VTI1A: variants seen among roughly 807,000 people sequenced by gnomAD.
The protein encoded by VTI1A is vesicle transport through interaction with t-SNAREs homolog 1A.
Under a neutral mutation model 34.9 loss-of-function variants are expected in VTI1A, and 22 were observed. The ratio of observed to expected loss-of-function variants is 0.63; its 90% CI spans 0.45 to 0.90. VTI1A has a LOEUF of 0.90. Ranked by LOEUF, VTI1A falls within the 40% of genes least tolerant of loss-of-function variation. VTI1A has a pLI of 0.00. For synonymous variants in VTI1A, 87 were observed against 97.3 expected (o/e 0.89, Z 0.62); for missense variants, 268 against 275.6 (o/e 0.97, Z 0.20).
At chr10:112,596,133 A>G (rs1844630862) in intron 5 of VTI1A, among the ~76,000 whole-genome samples, 1 of 143,178 alleles carries the variant, frequency 7.0e-6, no homozygotes, top group Admixed American at 7.0e-5. Flanking sequence ...GGACACAGGA[A>G]GGGGAACATC....
At chr10:112,538,140 C>T (rs1018954351) in intron 4 of VTI1A, 106 bp from the exon 5 acceptor site, 1 of 868,754 alleles carries the variant, frequency 1.2e-6, no homozygotes, top group Non-Finnish European at 1.8e-6. Flanking sequence ...GGTTGCGAAC[C>T]CCCCCACCCC....
intron 7 of VTI1A, among the ~76,000 whole-genome samples, chr10:112,748,587 C>A (rs1850986628): frequency 6.8e-6 from 1 of 146,948 alleles, no homozygotes; most frequent in Non-Finnish European, 1.5e-5. Context: ...CAAATGACAC[C>A]TGTTACTCTT....
At chr10:112,744,252 G>T (rs184819462) in intron 7 of VTI1A, among the ~76,000 whole-genome samples, 2 of 152,182 alleles carry the variant, frequency 1.3e-5, no homozygotes, top group African/African-American at 4.8e-5. Context: ...TAGCTTCCCT[G>T]CCTTAATTCT....
At chr10:112,553,162 A>G (rs1851424931) in intron 5 of VTI1A, among the ~76,000 whole-genome samples, 1 of 152,238 alleles carries the variant, frequency 6.6e-6, no homozygotes, top group Non-Finnish European at 1.5e-5. Context: ...TATAAAATGC[A>G]CAGAAATTAT....
At chr10:112,704,660 T>G (rs1849130353) in intron 7 of VTI1A, among the ~76,000 whole-genome samples, 1 of 152,196 alleles carries the variant, frequency 6.6e-6, no homozygotes, top group Non-Finnish European at 1.5e-5. Flanking sequence ...ACCACTTGTT[T>G]ATTGAGGTGT....
chr10:112,761,247 G>C (rs7899331), intron 7 of VTI1A, among the ~76,000 whole-genome samples: 55,243 of 151,982 alleles, frequency 0.36, 10,620 homozygotes, highest in African/African-American at 0.49. Flanking sequence ...ATCACCCTTA[G>C]ATTCTGTGGG....
At chr10:112,629,830 G>T (rs1009344855) in intron 5 of VTI1A, among the ~76,000 whole-genome samples, 1 of 152,138 alleles carries the variant, frequency 6.6e-6, no homozygotes, top group Non-Finnish European at 1.5e-5. Context: ...AATCCACTGT[G>T]CTTCCAGCCT....
chr10:112,615,327 A>T (rs1845476483), intron 5 of VTI1A, among the ~76,000 whole-genome samples: 1 of 152,256 alleles, frequency 6.6e-6, no homozygotes, highest in South Asian at 2.1e-4. Context: ...CAGAAAAGTG[A>T]TATAAATTAG....
chr10:112,852,721 T>G, the VTI1A span, among the ~76,000 whole-genome samples: 4 of 152,238 alleles, frequency 2.6e-5, no homozygotes, highest in African/African-American at 9.6e-5. Flanking sequence ...TGGGGATTGC[T>G]CCTCTCCCAT....
intron 5 of VTI1A, among the ~76,000 whole-genome samples, chr10:112,572,613 C>T (rs954178062): frequency 3.9e-5 from 6 of 152,134 alleles, no homozygotes; most frequent in East Asian, 3.9e-4. Flanking sequence ...CTGAGGCGGG[C>T]GGATCACGAG....
chr10:112,676,876 G>T (rs1478220644), intron 7 of VTI1A, among the ~76,000 whole-genome samples: 1 of 152,174 alleles, frequency 6.6e-6, no homozygotes, highest in Non-Finnish European at 1.5e-5. Context: ...ATATTGTCAG[G>T]ACTGGGTCTT....
intron 7 of VTI1A, among the ~76,000 whole-genome samples, chr10:112,748,184 A>T (rs184464182): frequency 6.6e-6 from 1 of 152,118 alleles, no homozygotes; most frequent in African/African-American, 2.4e-5. Flanking sequence ...TCAGGGCAAC[A>T]TCACCCACCC....
At chr10:112,743,015 TG>T (rs1850749788) in intron 7 of VTI1A, among the ~76,000 whole-genome samples, 2 of 40,990 alleles carry the variant, frequency 4.9e-5, no homozygotes, top group Admixed American at 2.3e-4. Context: ...CCTATTCTCG[TG>T]TGTGTGTGTG....
chr10:112,727,448 A>G (rs1314569082), intron 7 of VTI1A, among the ~76,000 whole-genome samples: 2 of 152,098 alleles, frequency 1.3e-5, no homozygotes, highest in African/African-American at 2.4e-5. Context: ...TTTTTTTATA[A>G]TTCCTAGGAA....
intron 7 of VTI1A, among the ~76,000 whole-genome samples, chr10:112,753,914 C>A (rs2133996369): frequency 6.6e-6 from 1 of 152,264 alleles, no homozygotes; most frequent in East Asian, 1.9e-4. Context: ...TTCCAAGCAT[C>A]CTTTCCACCA....
intron 5 of VTI1A, among the ~76,000 whole-genome samples, chr10:112,560,470 T>G (rs1019726694): frequency 1.9e-4 from 29 of 152,274 alleles, no homozygotes; most frequent in African/African-American, 7.0e-4. Context: ...TAACATTAAT[T>G]GTAAGGAGTA....
intron 5 of VTI1A, among the ~76,000 whole-genome samples, chr10:112,612,611 T>G (rs986119715): frequency 3.9e-5 from 6 of 152,146 alleles, no homozygotes; most frequent in Non-Finnish European, 8.8e-5. Context: ...TTTGTAGAGA[T>G]AGGAGTCTCA....
chr10:112,748,620 C>CTTTTTTTTTT (rs561301572), intron 7 of VTI1A, among the ~76,000 whole-genome samples: 4 of 104,920 alleles, frequency 3.8e-5, no homozygotes, highest in African/African-American at 8.7e-5. Context: ...ATTTAGAAAC[C>CTTTTTTTTTT]TTTTTTTTTT....
intron 5 of VTI1A, among the ~76,000 whole-genome samples, chr10:112,636,916 C>A (rs1846378393): frequency 6.6e-6 from 1 of 152,010 alleles, no homozygotes; most frequent in South Asian, 2.1e-4. Context: ...CATTAAGATT[C>A]ATTGTCATGG....
Sources: allele counts gnomAD v4.1 joint callset (sites outside exome capture counted in the v4.1 genomes callset), GRCh38; gene constraint gnomAD v4.1.1; transcripts MANE v1.5; gene names NCBI Gene and HGNC (gene_info 2026-07-23, HGNC 2026-07-21).